The following AASS variants were observed in gnomAD, a reference collection of about 807,000 sequenced individuals.
AASS encodes the protein alpha-aminoadipic semialdehyde synthase, mitochondrial.
In AASS, 86 loss-of-function variants were observed where a neutral mutation model predicts 105.4. The observed-to-expected ratio is 0.82, with a 90% CI of 0.69 to 0.98. AASS has a LOEUF of 0.98. Among genes scored for constraint, AASS ranks in the 50% least tolerant of loss-of-function variants. The probability of loss-of-function intolerance (pLI) is 0.00; values close to 1 mark genes in which losing one functional copy is unlikely to be tolerated. For missense variants in AASS, 1,048 were observed against 1,143.2 expected (o/e 0.92, Z 1.20); for synonymous variants, 381 against 394.8 (o/e 0.96, Z 0.41).
At chr7:122,133,451 A>T in intron 2 of AASS, 66 bp downstream of exon 2, 1 of 1,528,146 alleles carries the variant, frequency 6.5e-7, no homozygotes, top group Non-Finnish European at 9.1e-7. Context: ...ATTTTCACTC[A>T]GATGCTCCTT....
chr7:122,106,020 CTGT>C (rs934086311), intron 11 of AASS, among the ~76,000 whole-genome samples: 45 of 151,998 alleles, frequency 3.0e-4, no homozygotes, highest in African/African-American at 8.7e-4. Context: ...TTTTAGATGA[CTGT>C]TGTTGGTGTG....
chr7:122,085,911 G>T, intron 19 of AASS, 101 bp downstream of exon 19: 1 of 1,303,684 alleles, frequency 7.7e-7, no homozygotes, highest in South Asian at 1.2e-5. Flanking sequence ...ACTCCAACTT[G>T]GTTTATCATC....
intron 1 of AASS, among the ~76,000 whole-genome samples, chr7:122,140,267 C>T (rs1796322615): frequency 6.6e-6 from 1 of 151,716 alleles, no homozygotes; most frequent in African/African-American, 2.4e-5. Flanking sequence ...AGGCGGATCA[C>T]GAGGTCAGGA....
At chr7:122,117,907 C>T (rs758157274) in intron 6 of AASS, among the ~76,000 whole-genome samples, 11 of 152,010 alleles carry the variant, frequency 7.2e-5, no homozygotes, top group Non-Finnish European at 1.6e-4. Flanking sequence ...CCGCCTGCCT[C>T]GGCCTCCCAA....
At chr7:122,130,510 TTCATA>T (rs1188312113) in intron 2 of AASS, among the ~76,000 whole-genome samples, 2 of 152,012 alleles carry the variant, frequency 1.3e-5, no homozygotes, top group East Asian at 3.9e-4. Context: ...TCATTTAAAT[TTCATA>T]CAACTCTCAT....
At chr7:122,127,918 TC>T (rs1795730216) in intron 3 of AASS, among the ~76,000 whole-genome samples, 1 of 152,140 alleles carries the variant, frequency 6.6e-6, no homozygotes, top group African/African-American at 2.4e-5. Flanking sequence ...TCTTAGATTA[TC>T]CCTTTGAATG....
Position 122,113,697 on chromosome 7 carries a change from G to T in AASS, c.1067C>A (p.Ser356Ter). 1 of 1,613,210 alleles carries T rather than the reference G, an allele frequency of 6.2e-7. No individual in the cohort carries two copies. ...PHKLVAICDI[S>*]ADTGGSIEFM... ...CTCTATAGACCCTCCTGTGTCAGCT[G>T]AAATGTCACATATTGCCACGAGTCT... Residue 356 changes from serine (S) to a stop codon, truncating the protein, a stop_gained, in exon 10 of 24, where the codon TCA becomes TAA. Transcript: ENST00000417368. LOFTEE classifies it high-confidence loss of function.
chr7:122,079,441 T>C (rs1793198963), intron 21 of AASS, 156 bp downstream of exon 21: 1 of 1,086,754 alleles, frequency 9.2e-7, no homozygotes, highest in Non-Finnish European at 1.3e-6. Context: ...ATCTACTCTT[T>C]ATGCCCACAT....
At position 122,115,098 on chromosome 7, in the gene AASS, T is replaced by C; in HGVS notation, c.1019A>G (p.Glu340Gly). ...CTTGTGTGGTAATGCAGGGCAGCCTTCCACACCAGCAGGTGAGAACTTGCC... is the reference window on the plus strand; with the variant it reads ...CTTGTGTGGTAATGCAGGGCAGCCTCCCACACCAGCAGGTGAGAACTTGCC... ...APGKFSPAGV[E>G]GCPALPHKLV... The change falls in exon 9 of 24, where the codon GAA (glutamate) becomes GGA (glycine). Residue 340 changes from glutamate to glycine, a missense_variant. Glu to Gly is a moderately conservative substitution (Grantham distance 98). Coordinates refer to ENST00000417368, the MANE Select transcript of AASS (RefSeq NM_005763.4). 1 of 1,614,126 alleles carries C rather than the reference T, an allele frequency of 6.2e-7. No individual in the cohort carries two copies. Among genetic ancestry groups the C allele is most frequent in the Non-Finnish European group, 8.5e-7 (1 of 1,180,012 alleles).
chr7:122,140,167 T>C (rs1796319344), intron 1 of AASS, among the ~76,000 whole-genome samples: 1 of 151,922 alleles, frequency 6.6e-6, no homozygotes, highest in African/African-American at 2.4e-5. Context: ...AGCAAAACAA[T>C]GCACAAGCAT....
intron 11 of AASS, among the ~76,000 whole-genome samples, chr7:122,103,591 CATAGGT>C (rs1388169400): frequency 2.0e-5 from 3 of 151,920 alleles, no homozygotes; most frequent in Non-Finnish European, 2.9e-5. Flanking sequence ...CTCTGCAAAA[CATAGGT>C]ATATATAACT....
rs1047649369 is a variant in AASS, at chr7:122,074,021, A to T, written c.*2468T>A. Among the ~76,000 whole-genome samples, 1 of 152,098 alleles carries T rather than the reference A, an allele frequency of 6.6e-6. No individual in the cohort carries two copies. The highest frequency in any genetic ancestry group is 1.5e-5 in the Non-Finnish European group (1 of 68,034). ...GCTGTTTCAATTTTGGGCTATTATA[A>T]ATAATGCTGCAAAGAACATCTGTGC... On this transcript the variant is annotated 3_prime_UTR_variant, in exon 24 of 24. Coordinates refer to ENST00000417368, the MANE Select transcript of AASS (RefSeq NM_005763.4).
chr7:122,130,454 A>G (rs535624833), intron 2 of AASS, among the ~76,000 whole-genome samples: 6 of 152,156 alleles, frequency 3.9e-5, no homozygotes, highest in Non-Finnish European at 5.9e-5. Flanking sequence ...ATTGATATGT[A>G]TTAATAAATT....
In AASS at chr7:122,113,122, T is replaced by G; in HGVS notation, c.1274A>C (p.Glu425Ala). Residue 425 changes from glutamate (E) to alanine (A), a missense_variant, in exon 11 of 24, where the codon GAA (glutamate) becomes GCA (alanine). By Grantham distance (107) the Glu-to-Ala change is moderately radical. Transcript: ENST00000417368. Reference sequence around the variant, plus strand: ...TGATATTACCAGTCTGCTTACCATTTCTTCAACATAAGGGTAAAGCATGTC... The same window carrying G: ...TGATATTACCAGTCTGCTTACCATTGCTTCAACATAAGGGTAAAGCATGTC... ...FGDMLYPYVE[E>A]MILSDATQPL... is the part of the protein sequence containing the mutation. 1 of 1,613,112 alleles carries G rather than the reference T, an allele frequency of 6.2e-7. No individual in the cohort carries two copies. Among genetic ancestry groups the G allele is most frequent in the Non-Finnish European group, 8.5e-7 (1 of 1,179,100 alleles).
intron 14 of AASS, 78 bp downstream of exon 14, chr7:122,098,667 C>T (rs1279347507): frequency 1.3e-6 from 2 of 1,585,296 alleles, no homozygotes; most frequent in African/African-American, 1.4e-5. Context: ...ATTTCAGAAA[C>T]AAAGTAGTCT....
intron 3 of AASS, among the ~76,000 whole-genome samples, chr7:122,128,762 C>G (rs1795773535): frequency 6.6e-6 from 1 of 152,010 alleles, no homozygotes; most frequent in African/African-American, 2.4e-5. Flanking sequence ...AATGCATTTT[C>G]CCTTATGAAT....
At chr7:122,098,910 T>C (rs1794302220) in intron 13 of AASS, 44 bp from the exon 14 acceptor site, 2 of 1,499,932 alleles carry the variant, frequency 1.3e-6, no homozygotes, top group South Asian at 1.3e-5. Context: ...AAGGGGCTAA[T>C]TAAAAATTTT....
At chr7:122,126,622 G>A (rs760379753) in intron 3 of AASS, among the ~76,000 whole-genome samples, 163 bp from the exon 4 acceptor site, 10 of 152,024 alleles carry the variant, frequency 6.6e-5, no homozygotes, top group Admixed American at 1.3e-4. Context: ...TTTAGAAAAC[G>A]CCAGGTAGCA....
At chr7:122,109,220 C>A in intron 11 of AASS, among the ~76,000 whole-genome samples, 1 of 124,648 alleles carries the variant, frequency 8.0e-6, no homozygotes, top group Non-Finnish European at 1.6e-5. Context: ...CCATACTACC[C>A]AAAGCAATCT....
Sources: gnomAD v4.1 joint callset for allele counts (sites outside exome capture counted in the v4.1 genomes callset) on GRCh38, gnomAD v4.1.1 for gene constraint, MANE v1.5 for transcripts, NCBI Gene and HGNC (gene_info 2026-07-23, HGNC 2026-07-21) for gene names.